Variants in SPIRE1 observed in about 807,000 individuals in gnomAD.
The protein encoded by SPIRE1 is spire type actin nucleation factor 1, also known as protein spire homolog 1.
A neutral mutation model predicts 94.1 loss-of-function variants in SPIRE1; 40 were observed. The ratio of observed to expected loss-of-function variants is 0.43; its 90% CI spans 0.33 to 0.55. SPIRE1 has a LOEUF of 0.55. Ranked by LOEUF, SPIRE1 falls within the 20% of genes least tolerant of loss-of-function variation. SPIRE1 has a pLI of 0.06. For missense variants in SPIRE1, 838 were observed against 975.2 expected (o/e 0.86, Z 1.87); for synonymous variants, 376 against 371.7 (o/e 1.01, Z -0.13).
chr18:12,533,368 G>A (rs918889203), intron 4 of SPIRE1, among the ~76,000 whole-genome samples: 1 of 152,170 alleles, frequency 6.6e-6, no homozygotes, highest in African/African-American at 2.4e-5. Context: ...TTTTGAAAGT[G>A]TGTTTGCATA....
intron 2 of SPIRE1, among the ~76,000 whole-genome samples, chr18:12,605,938 T>C (rs1469681965): frequency 6.6e-6 from 1 of 152,146 alleles, no homozygotes; most frequent in Non-Finnish European, 1.5e-5. Context: ...GCCTCCTTCA[T>C]GTTCTTGGTC....
chr18:12,533,969 A>ACACACACACACACAC (rs1440306764), intron 4 of SPIRE1, among the ~76,000 whole-genome samples: 1 of 144,738 alleles, frequency 6.9e-6, no homozygotes, highest in African/African-American at 2.5e-5. Flanking sequence ...ACACACACAC[A>ACACACACACACACAC]ACTTATTTAT....
intron 9 of SPIRE1, among the ~76,000 whole-genome samples, chr18:12,484,316 G>A (rs950228605): frequency 7.9e-5 from 12 of 152,170 alleles, no homozygotes; most frequent in Non-Finnish European, 1.2e-4. Flanking sequence ...CTATGTTCCT[G>A]TGTTTATTTT....
At chr18:12,507,180 T>G (rs1348621203) in intron 5 of SPIRE1, among the ~76,000 whole-genome samples, 2 of 152,172 alleles carry the variant, frequency 1.3e-5, no homozygotes, top group Admixed American at 1.3e-4. Flanking sequence ...TGGAGACCCA[T>G]GAGTTAGTAA....
At chr18:12,551,439 C>T (rs1413429968) in intron 2 of SPIRE1, among the ~76,000 whole-genome samples, 2 of 152,246 alleles carry the variant, frequency 1.3e-5, no homozygotes, top group Non-Finnish European at 2.9e-5. Flanking sequence ...CGGTGGCTCA[C>T]GCCTGTAATC....
upstream of SPIRE1, among the ~76,000 whole-genome samples, chr18:12,659,439 G>A (rs1401621504): frequency 1.3e-5 from 2 of 152,174 alleles, no homozygotes; most frequent in East Asian, 1.9e-4. Flanking sequence ...AGGCTGAGGC[G>A]GGCAGATCAC....
intron 6 of SPIRE1, among the ~76,000 whole-genome samples, chr18:12,501,698 T>C (rs2033671898): frequency 6.6e-6 from 1 of 152,200 alleles, no homozygotes; most frequent in African/African-American, 2.4e-5. Flanking sequence ...TGGTGGCTCA[T>C]GCCTATAATC....
chr18:12,466,412 G>T (rs1217010740), intron 10 of SPIRE1, among the ~76,000 whole-genome samples: 1 of 152,032 alleles, frequency 6.6e-6, no homozygotes, highest in Non-Finnish European at 1.5e-5. Flanking sequence ...GAGTAACTGG[G>T]ATTACAGGTG....
In SPIRE1 at chr18:12,487,779, T is replaced by C. The variant is rs79993352; in HGVS notation, c.1190-1779A>G. Among the ~76,000 whole-genome samples the C allele has an allele frequency of 8.6e-3, 1,307 of 152,356 alleles. 6 individuals carry two copies. The highest frequency in any genetic ancestry group is 0.02 in the South Asian group (98 of 4,830). On this transcript the variant is annotated intron_variant, in intron 8 of 16. Transcript: ENST00000409402. ...TATGCATATAATAACCACTAAATTG[T>C]ATACTTTAAATGAGTGAATTTTATG... is the stretch of plus-strand genomic sequence containing the variant.
chr18:12,566,816 C>A (rs979220451), intron 2 of SPIRE1, among the ~76,000 whole-genome samples: 3 of 152,014 alleles, frequency 2.0e-5, no homozygotes, highest in African/African-American at 7.2e-5. Flanking sequence ...TCAGAATATA[C>A]AAGCAGAAGG....
chr18:12,658,895 C>T (rs780475303), upstream of SPIRE1: 3 of 275,060 alleles, frequency 1.1e-5, no homozygotes, highest in East Asian at 2.2e-4. Flanking sequence ...AGCGTCCTTC[C>T]GGATTCATTT....
At chr18:12,565,944 G>GA (rs1316026319) in intron 2 of SPIRE1, among the ~76,000 whole-genome samples, 6 of 150,434 alleles carry the variant, frequency 4.0e-5, no homozygotes, top group East Asian at 2.0e-4. Context: ...TGAGGGAGTA[G>GA]ATCGCTTGAA....
intron 1 of SPIRE1, among the ~76,000 whole-genome samples, chr18:12,640,992 C>T (rs575678061): frequency 1.2e-3 from 183 of 152,102 alleles, no homozygotes; most frequent in African/African-American, 4.3e-3. Flanking sequence ...TCAAGGCCAG[C>T]GAGGAGGCTA....
At chr18:12,504,483 G>A (rs1019840) in intron 6 of SPIRE1, among the ~76,000 whole-genome samples, 25,880 of 151,990 alleles carry the variant, frequency 0.17, 2,475 homozygotes, top group African/African-American at 0.25. Flanking sequence ...CTTCAGCCTC[G>A]GCAAAAAGAG....
chr18:12,602,769 C>T (rs2036872887), intron 2 of SPIRE1, among the ~76,000 whole-genome samples: 1 of 152,180 alleles, frequency 6.6e-6, no homozygotes, highest in African/African-American at 2.4e-5. Context: ...ATTGTGAAGG[C>T]TGTGCAGATT....
Position 12,496,029 on chromosome 18 carries a change from G to T in SPIRE1, c.1046C>A (p.Pro349His), listed in dbSNP as rs749380572. The T allele has an allele frequency of 6.8e-6, 11 of 1,610,602 alleles. No homozygotes were observed. The highest frequency in any genetic ancestry group is 9.3e-6 in the Non-Finnish European group (11 of 1,176,968). Residue 349 changes from proline to histidine, a missense_variant, in exon 7 of 17, where the codon CCT becomes CAT. Pro to His is a moderately conservative substitution (Grantham distance 77). Transcript: ENST00000409402. ...EIILDFIRSR[P>H]PLNPVSARKL... is the part of the protein sequence containing the mutation. ...CGAATTACATACTGGATTTAAAGGA[G>T]GTCTGGATCTGATGAAGTCGAGGAT...
intron 12 of SPIRE1, among the ~76,000 whole-genome samples, chr18:12,461,511 T>C (rs979978855): frequency 6.6e-5 from 9 of 136,742 alleles, no homozygotes; most frequent in African/African-American, 1.1e-4. Context: ...CATATGTACG[T>C]ACATACATAT....
chr18:12,473,966 A>C (rs1357180337), intron 10 of SPIRE1, among the ~76,000 whole-genome samples: 1 of 152,236 alleles, frequency 6.6e-6, no homozygotes, highest in Non-Finnish European at 1.5e-5. Flanking sequence ...AAGGAGATTA[A>C]ATAAGATCAC....
chr18:12,583,210 C>T (rs1262012382), intron 2 of SPIRE1, among the ~76,000 whole-genome samples: 1 of 152,164 alleles, frequency 6.6e-6, no homozygotes, highest in Non-Finnish European at 1.5e-5. Flanking sequence ...GTGACTCACA[C>T]CTGTAATCCC....
Sources: gnomAD v4.1 joint callset for allele counts (sites outside exome capture counted in the v4.1 genomes callset) on GRCh38, gnomAD v4.1.1 for gene constraint, MANE v1.5 for transcripts, NCBI Gene and HGNC (gene_info 2026-07-23, HGNC 2026-07-21) for gene names.